Variants in KCNQ1 observed in about 807,000 individuals in gnomAD.
The protein encoded by KCNQ1 is potassium voltage-gated channel subfamily Q member 1.
A neutral mutation model predicts 72.4 loss-of-function variants in KCNQ1; 49 were observed. That is an observed-to-expected ratio of 0.68 (90% CI 0.54 to 0.86). The LOEUF (loss-of-function observed/expected upper bound fraction) is 0.86. Ranked by LOEUF, KCNQ1 falls within the 40% of genes least tolerant of loss-of-function variation. KCNQ1 has a pLI of 0.00. For missense variants in KCNQ1, 790 were observed against 945.1 expected (o/e 0.84, Z 2.15); for synonymous variants, 450 against 412.6 (o/e 1.09, Z -1.10).
At chr11:2,555,773 C>T (rs1027639384) in intron 2 of KCNQ1, among the ~76,000 whole-genome samples, 1 of 152,258 alleles carries the variant, frequency 6.6e-6, no homozygotes, top group Non-Finnish European at 1.5e-5. Flanking sequence ...TGGAGTGCCT[C>T]CACTGGCACA....
At chr11:2,689,587 T>A (rs1455978619) in intron 11 of KCNQ1, 1 of 398,526 alleles carries the variant, frequency 2.5e-6, no homozygotes, top group Admixed American at 4.4e-5. Context: ...AGCAGTGGTG[T>A]CTTCTAGATT....
intron 11 of KCNQ1, chr11:2,680,585 G>A (rs1850379325): frequency 5.0e-6 from 2 of 398,136 alleles, no homozygotes; most frequent in Non-Finnish European, 8.8e-6. Flanking sequence ...CCTTTACCTA[G>A]TCTCCCCCGA....
At chr11:2,610,803 GA>G (rs35801517) in intron 10 of KCNQ1, 31 of 269,224 alleles carry the variant, frequency 1.2e-4, no homozygotes, top group African/African-American at 7.9e-4. Context: ...TGTTTCTGAC[GA>G]AAAGTCAGCT....
At position 2,808,884 on chromosome 11, in the gene KCNQ1, A is replaced by G. The variant is rs771858710; in HGVS notation, c.1794+30847A>G. On this transcript the variant is annotated intron_variant, in intron 15 of 15. Transcript: ENST00000155840. This position sits in a 1 kb window ranked among gnomAD's most constrained non-coding sequence, Gnocchi z 6.0. ...GGGATAAATGGATGGATGGATGAACACATGGACAATGGGTGGGTAGATGGG... is the reference window on the plus strand; with the variant it reads ...GGGATAAATGGATGGATGGATGAACGCATGGACAATGGGTGGGTAGATGGG... Among the ~76,000 whole-genome samples, 2 of 152,114 alleles carry G rather than the reference A, an allele frequency of 1.3e-5. No homozygotes were observed. The highest frequency in any genetic ancestry group is 1.3e-4 in the Admixed American group (2 of 15,274).
At position 2,815,890 on chromosome 11, in the gene KCNQ1, G is replaced by C. The variant is rs1847602640; in HGVS notation, c.1795-31877G>C. On this transcript the variant is annotated intron_variant, in intron 15 of 15. Transcript: ENST00000155840. This position sits in a 1 kb window ranked among gnomAD's most constrained non-coding sequence, Gnocchi z 5.4. The stretch of plus-strand genomic sequence containing the variant: ...TCCAGGCTGTATCTAACAGCTGCCT[G>C]TGCCGAAAAATTAAGCACCGCTGAG... 6.6e-6 allele frequency among the ~76,000 whole-genome samples: 1 copy of C among 152,176 alleles called. No homozygotes were observed. The highest frequency in any genetic ancestry group is 2.4e-5 in the African/African-American group (1 of 41,442).
rs1343106996 is a variant in KCNQ1 at position 2,691,407 on chromosome 11, TG to T, written c.1514+29327del. 7.5e-6 allele frequency: 3 copies of T among 398,556 alleles called. No homozygotes were observed. The highest frequency in any genetic ancestry group is 1.3e-5 in the Non-Finnish European group (3 of 226,098). The allele number at this position is 398,556 out of a possible 1,614,324, so 24.7% of individuals were successfully genotyped here. A position where few individuals can be genotyped will look rare whatever the true frequency, so the allele number is the denominator to read the frequency against. ...CTGGGCATAGAAGCCCAGGAACTGC[TG>T]TCTGTGGGGAGTCCACTGAAGCTCC... is the stretch of plus-strand genomic sequence containing the variant. On this transcript the variant is annotated intron_variant, in intron 11 of 15. Coordinates refer to ENST00000155840, the MANE Select transcript of KCNQ1 (RefSeq NM_000218.3). This position sits in a 1 kb window ranked among gnomAD's most constrained non-coding sequence, Gnocchi z 6.4.
chr11:2,499,871 A>G (rs941296461), intron 1 of KCNQ1, among the ~76,000 whole-genome samples: 15 of 152,222 alleles, frequency 9.9e-5, no homozygotes, highest in Non-Finnish European at 1.8e-4. Context: ...AAGAATACAC[A>G]TTCTCCTCAG....
In KCNQ1 at chr11:2,461,185, GTCAGGTGTGA is replaced by G. The variant is rs1219521523; in HGVS notation, c.386+15711_386+15720del. Among the ~76,000 whole-genome samples the G allele has an allele frequency of 2.0e-5, 3 of 152,310 alleles. No individual in the cohort carries two copies. In the South Asian group the frequency reaches 6.2e-4, roughly 32 times the overall value. ...AACTCGGTGTCCGACCTGGTGATGG[GTCAGGTGTGA>G]TCAGGTGTGTGGGGCTCGGTCTGCA... On this transcript the variant is annotated intron_variant, in intron 1 of 15. Transcript: ENST00000155840.
In KCNQ1 at chr11:2,464,008, ACT is replaced by A. The variant is rs1047329330; in HGVS notation, c.386+18527_386+18528del. ...CCGTGGACCGGGGTGACAGGCCCTG[ACT>A]CTGCAGAGCAGGACTGTGGAAAATG... On this transcript the variant is annotated intron_variant, in intron 1 of 15. Coordinates refer to ENST00000155840, the MANE Select transcript of KCNQ1 (RefSeq NM_000218.3). This position sits in a 1 kb window ranked among gnomAD's most constrained non-coding sequence, Gnocchi z 5.0. Among the ~76,000 whole-genome samples the A allele has an allele frequency of 6.6e-6, 1 of 152,134 alleles. No individual in the cohort carries two copies. The highest frequency in any genetic ancestry group is 2.4e-5 in the African/African-American group (1 of 41,434).
At chr11:2,756,527 A>T (rs571101350) in intron 11 of KCNQ1, among the ~76,000 whole-genome samples, 1 of 152,128 alleles carries the variant, frequency 6.6e-6, no homozygotes, top group Admixed American at 6.5e-5. Context: ...AGAGAGGAAC[A>T]CAGGATTCAG....
rs567854450 is a variant in KCNQ1, at chr11:2,792,876, C to G, written c.1794+14839C>G. ...CCTGACAGCGGGGCCAGCACGCAGC[C>G]CCCTGCCCCTCGCCCCCTCCCTGCC... On this transcript the variant is annotated intron_variant, in intron 15 of 15. Transcript: ENST00000155840. Among the ~76,000 whole-genome samples the G allele has an allele frequency of 1.6e-3, 239 of 152,004 alleles. 1 individual carries two copies. Among genetic ancestry groups the G allele is most frequent in the African/African-American group, 5.4e-3 (226 of 41,472 alleles).
chr11:2,728,247 T>C (rs1644835995), intron 11 of KCNQ1, among the ~76,000 whole-genome samples: 1 of 152,184 alleles, frequency 6.6e-6, no homozygotes, highest in Non-Finnish European at 1.5e-5. Context: ...CTCTGTGGCT[T>C]CCCAAGGCTC....
intron 15 of KCNQ1, among the ~76,000 whole-genome samples, chr11:2,835,891 G>T (rs977866246): frequency 6.6e-6 from 1 of 152,190 alleles, no homozygotes; most frequent in Non-Finnish European, 1.5e-5. Flanking sequence ...CAAGACCTGG[G>T]TCAGCAGAGC....
Position 2,746,133 on chromosome 11 carries a change from A to T in KCNQ1, c.1515-22711A>T, listed in dbSNP as rs941223821. 1.3e-5 allele frequency among the ~76,000 whole-genome samples: 2 copies of T among 152,172 alleles called. No homozygotes were observed. Among genetic ancestry groups the T allele is most frequent in the Non-Finnish European group, 2.9e-5 (2 of 68,032 alleles). On this transcript the variant is annotated intron_variant, in intron 11 of 15. Transcript: ENST00000155840. The surrounding 1 kb of genome is among the most constrained non-coding windows in gnomAD (Gnocchi z 5.9). ...TCGAACTCCTGGCCTCAAGTGATCC[A>T]TCCGCCTCGGCCTCCCAAAGTGCTG... is the stretch of plus-strand genomic sequence containing the variant.
At chr11:2,696,063 T>C (rs462402) in intron 11 of KCNQ1, 249,371 of 398,438 alleles carry the variant, frequency 0.63, 83,319 homozygotes, top group East Asian at 0.99. Context: ...GAAAACAGTC[T>C]TGACCCTTGC....
intron 2 of KCNQ1, among the ~76,000 whole-genome samples, chr11:2,542,605 T>C (rs560459493): frequency 6.6e-6 from 1 of 152,344 alleles, no homozygotes; most frequent in African/African-American, 2.4e-5. Flanking sequence ...CTCCCGTCGC[T>C]GGCCCCTCCT....
chr11:2,681,634 A>G (rs1316186102), intron 11 of KCNQ1: 1 of 359,978 alleles, frequency 2.8e-6, no homozygotes, highest in African/African-American at 2.5e-5. Flanking sequence ...ACCTCCCCCA[A>G]CCTATCTCTC....
chr11:2,820,232 G>A (rs1259770869), intron 15 of KCNQ1, among the ~76,000 whole-genome samples: 1 of 151,998 alleles, frequency 6.6e-6, no homozygotes, highest in African/African-American at 2.4e-5. Context: ...TACCCTATAG[G>A]AAGCATCCCA....
At position 2,588,787 on chromosome 11, in the gene KCNQ1, T is replaced by C. The variant is rs1354945940; in HGVS notation, c.1326T>C (p.His442=). The C allele has an allele frequency of 1.9e-6, 3 of 1,613,344 alleles. No homozygotes were observed. The highest frequency in any genetic ancestry group is 3.3e-5 in the Admixed American group (2 of 60,004). ...GAGAGAAGATGCTCACAGTCCCCCA[T>C]ATCACGTGCGACCCCCCAGAAGAGC... is the stretch of plus-strand genomic sequence containing the variant. The part of the protein sequence containing the change: ...TPGEKMLTVP[H]ITCDPPEERR... Residue 442 remains histidine, a synonymous_variant, in exon 10 of 16, where the codon CAT becomes CAC. Coordinates refer to ENST00000155840, the MANE Select transcript of KCNQ1 (RefSeq NM_000218.3). The surrounding 1 kb of genome is among the most constrained non-coding windows in gnomAD (Gnocchi z 5.6).
Sources: allele counts gnomAD v4.1 joint callset (sites outside exome capture counted in the v4.1 genomes callset), GRCh38; gene constraint gnomAD v4.1.1; non-coding constraint Gnocchi (gnomAD v3.1); transcripts MANE v1.5; gene names NCBI Gene and HGNC (gene_info 2026-07-23, HGNC 2026-07-21).